VCAN: variants seen among roughly 807,000 people sequenced by gnomAD.
VCAN encodes the protein versican core protein.
A neutral mutation model predicts 245.5 loss-of-function variants in VCAN; 44 were observed. The observed-to-expected ratio is 0.18, with a 90% confidence interval of 0.14 to 0.23. The LOEUF (loss-of-function observed/expected upper bound fraction) is 0.23. Among genes scored for constraint, VCAN ranks in the 10% least tolerant of loss-of-function variants. The pLI is 1.00. For missense variants in VCAN, 3,793 were observed against 4,057.9 expected, an observed-to-expected ratio of 0.93 and a Z score of 1.77; for synonymous variants, 1,413 against 1,437.0, an observed-to-expected ratio of 0.98 and a Z score of 0.38.
intron 6 of VCAN, 157 bp downstream of exon 6, chr5:83,512,553 C>A: frequency 2.1e-6 from 2 of 970,772 alleles, no homozygotes; most frequent in Non-Finnish European, 3.0e-6. Flanking sequence ...GCAAACTGAA[C>A]AGCAGTGATA....
intron 5 of VCAN, among the ~76,000 whole-genome samples, chr5:83,498,607 C>G (rs1475013124): frequency 6.6e-6 from 1 of 152,078 alleles, no homozygotes; most frequent in Non-Finnish European, 1.5e-5. Flanking sequence ...AACTTGTAAG[C>G]CAAAAGTCTT....
intron 6 of VCAN, among the ~76,000 whole-genome samples, chr5:83,518,109 G>A (rs1018748737): frequency 2.6e-5 from 4 of 152,112 alleles, no homozygotes; most frequent in Non-Finnish European, 4.4e-5. Context: ...GGGCAAACAA[G>A]CATTTACTCA....
chr5:83,522,280 A>T lies in VCAN; in HGVS notation c.3974A>T (p.Tyr1325Phe). The T allele has an allele frequency of 1.3e-6, 2 of 1,599,328 alleles. No homozygotes were observed. Among genetic ancestry groups the T allele is most frequent in the Non-Finnish European group, 1.7e-6 (2 of 1,179,916 alleles). The change falls in exon 7 of 15, where the codon TAT becomes TTT. Residue 1325 changes from tyrosine (Y) to phenylalanine (F), a missense_variant. Physicochemically the swap from Tyr to Phe is conservative, Grantham distance 22 (BLOSUM62 3). Around this residue, in one of 5 missense-constraint regions of VCAN, gnomAD observed 3,182 missense variants for 3,250.3 expected, o/e 0.98. Coordinates refer to ENST00000265077, the MANE Select transcript of VCAN (RefSeq NM_004385.5). ...AAATTTCACCCTGACATTAATGTTT[A>T]TATTATTGAGGTCAGAGAAAATAAG... is the stretch of plus-strand genomic sequence containing the variant. ...STKFHPDINVYIIEVRENKTG... is the reference protein window; with the variant it reads ...STKFHPDINVFIIEVRENKTG...
Position 83,520,028 on chromosome 5 carries a change from C to G in VCAN, c.1722C>G (p.Asp574Glu). ...VGSDESTLIF[D>E]QIPEVITVSK... ...CTGATGAGAGCACCTTGATCTTTGACCAAATTCCTGAAGTCATTACGGTGT... is the reference window on the plus strand; with the variant it reads ...CTGATGAGAGCACCTTGATCTTTGAGCAAATTCCTGAAGTCATTACGGTGT... Residue 574 changes from aspartate to glutamate, a missense_variant, in exon 7 of 15, where the codon GAC becomes GAG. This residue lies in a region of VCAN where 3,182 missense variants were observed against 3,250.3 expected (regional missense o/e 0.98). Transcript: ENST00000265077. The G allele has an allele frequency of 6.2e-7, 1 of 1,614,072 alleles. No homozygotes were observed. Among genetic ancestry groups the G allele is most frequent in the Non-Finnish European group, 8.5e-7 (1 of 1,179,968 alleles).
At chr5:83,495,584 C>T (rs1745132541) in intron 5 of VCAN, among the ~76,000 whole-genome samples, 1 of 152,042 alleles carries the variant, frequency 6.6e-6, no homozygotes, top group Admixed American at 6.6e-5. Context: ...GTAGGAGAAT[C>T]TGATTAAATA....
chr5:83,552,657 C>T (rs1244270330), intron 10 of VCAN, among the ~76,000 whole-genome samples: 1 of 152,128 alleles, frequency 6.6e-6, no homozygotes, highest in Non-Finnish European at 1.5e-5. Context: ...CACAGACACA[C>T]ACACACACAT....
rs150708651 is a variant in VCAN, at chr5:83,521,215, C to T, written c.2909C>T (p.Ser970Phe). 148 of 1,613,936 alleles carry T rather than the reference C, an allele frequency of 9.2e-5. No individual in the cohort carries two copies. The African/African-American group carries it at 1.9e-3, about 21-fold the overall frequency. Reference protein sequence around the residue: ...TQEPTTYVDSSHTIPLSVIPK... With the variant: ...TQEPTTYVDSFHTIPLSVIPK... Reference sequence around the variant, plus strand: ...GAGCCTACTACTTATGTAGACTCTTCCCATACCATTCCTCTTTCTGTAATT... The same window carrying T: ...GAGCCTACTACTTATGTAGACTCTTTCCATACCATTCCTCTTTCTGTAATT... Residue 970 changes from serine (S) to phenylalanine (F), a missense_variant, in exon 7 of 15, where the codon TCC (serine) becomes TTC (phenylalanine). Around this residue, in one of 5 missense-constraint regions of VCAN, gnomAD observed 3,182 missense variants for 3,250.3 expected, o/e 0.98. Coordinates refer to ENST00000265077, the MANE Select transcript of VCAN (RefSeq NM_004385.5).
intron 7 of VCAN, among the ~76,000 whole-genome samples, chr5:83,529,994 A>C (rs1487696066): frequency 6.6e-6 from 1 of 152,154 alleles, no homozygotes; most frequent in Admixed American, 6.6e-5. Context: ...GCCAAGTATA[A>C]TTGTACTTTA....
At chr5:83,566,821 T>C (rs1409395634) in intron 12 of VCAN, among the ~76,000 whole-genome samples, 1 of 152,146 alleles carries the variant, frequency 6.6e-6, no homozygotes, top group Non-Finnish European at 1.5e-5. Flanking sequence ...CAGAAATAAA[T>C]TTTTGACAAG....
chr5:83,536,839 C>T (rs530820466), intron 7 of VCAN, 168 bp from the exon 8 acceptor site: 3 of 540,642 alleles, frequency 5.5e-6, no homozygotes, highest in East Asian at 6.1e-5. Context: ...AATACAAAAA[C>T]AGTAAATTTG....
rs1746945764 is a variant in VCAN at position 83,540,840 on chromosome 5, A to C, written c.7837A>C (p.Asn2613His). Reference sequence around the variant, plus strand: ...ACCACATGACAGTAATGATGAAAGTAATGATGACAGCACTCAAGTTCAAGA... The same window carrying C: ...ACCACATGACAGTAATGATGAAAGTCATGATGACAGCACTCAAGTTCAAGA... The part of the protein sequence containing the change: ...SEPHDSNDES[N>H]DDSTQVQEIY... The change falls in exon 8 of 15, where the codon AAT (asparagine) becomes CAT (histidine). Residue 2613 changes from asparagine (N) to histidine (H), a missense_variant. By Grantham distance (68) the Asn-to-His change is moderately conservative. This residue lies in a region of VCAN where 3,182 missense variants were observed against 3,250.3 expected (regional missense o/e 0.98). Transcript: ENST00000265077. The C allele has an allele frequency of 6.2e-7, 1 of 1,614,064 alleles. No homozygotes were observed. The highest frequency in any genetic ancestry group is 8.5e-7 in the Non-Finnish European group (1 of 1,179,986).
At position 83,537,384 on chromosome 5, in the gene VCAN, T is replaced by A. The variant is rs139141519; in HGVS notation, c.4381T>A (p.Leu1461Met). ...TCCATTTGTAATAGCCAAAACGGAA[T>A]TGTCTACTGCTGTGCAACCTAATGA... ...THPFVIAKTE[L>M]STAVQPNEST... The change falls in exon 8 of 15, where the codon TTG (leucine) becomes ATG (methionine). Residue 1461 changes from leucine (L) to methionine (M), a missense_variant. Around this residue, in one of 5 missense-constraint regions of VCAN, gnomAD observed 3,182 missense variants for 3,250.3 expected, o/e 0.98. Transcript: ENST00000265077. 1.2e-4 allele frequency: 191 copies of A among 1,613,938 alleles called. No homozygotes were observed. In the African/African-American group the frequency reaches 2.3e-3, roughly 19 times the overall value.
chr5:83,525,821 A>G (rs1040574123), intron 7 of VCAN, among the ~76,000 whole-genome samples: 1 of 152,182 alleles, frequency 6.6e-6, no homozygotes, highest in Non-Finnish European at 1.5e-5. Context: ...ATATACAAAA[A>G]GCTAAAGGCT....
Position 83,522,019 on chromosome 5 carries a change from G to A in VCAN, c.3713G>A (p.Arg1238Lys). Residue 1238 changes from arginine to lysine, a missense_variant, in exon 7 of 15, where the codon AGG (arginine) becomes AAG (lysine). Around this residue, in one of 5 missense-constraint regions of VCAN, gnomAD observed 3,182 missense variants for 3,250.3 expected, o/e 0.98. Transcript: ENST00000265077. Reference protein sequence around the residue: ...AITKKPPLIDREPGEETTSDM... With the variant: ...AITKKPPLIDKEPGEETTSDM... Reference sequence around the variant, plus strand: ...ACTAAGAAACCACCTCTCATCGACAGGGAACCTGGTGAAGAAACAACCAGT... The same window carrying A: ...ACTAAGAAACCACCTCTCATCGACAAGGAACCTGGTGAAGAAACAACCAGT... 6.2e-7 allele frequency: 1 copy of A among 1,614,170 alleles called. No homozygotes were observed. The highest frequency in any genetic ancestry group is 8.5e-7 in the Non-Finnish European group (1 of 1,180,030).
intron 6 of VCAN, among the ~76,000 whole-genome samples, chr5:83,517,453 TTTATA>T (rs1351406629): frequency 2.6e-5 from 4 of 151,594 alleles, no homozygotes; most frequent in Non-Finnish European, 4.4e-5. Flanking sequence ...TTGCTAAGTA[TTTATA>T]TTATGTTTCC....
At chr5:83,475,248 G>A (rs1744346729) in intron 1 of VCAN, among the ~76,000 whole-genome samples, 1 of 152,200 alleles carries the variant, frequency 6.6e-6, no homozygotes, top group Non-Finnish European at 1.5e-5. Context: ...GGGAGTGACT[G>A]AGCTGGAAAC....
At chr5:83,567,169 T>C (rs2112491854) in intron 12 of VCAN, among the ~76,000 whole-genome samples, 1 of 152,212 alleles carries the variant, frequency 6.6e-6, no homozygotes, top group South Asian at 2.1e-4. Flanking sequence ...ACTCTAAAAA[T>C]AAAGCAATTT....
intron 1 of VCAN, among the ~76,000 whole-genome samples, chr5:83,474,757 C>G (rs1388381315): frequency 6.6e-6 from 1 of 152,252 alleles, no homozygotes; most frequent in Admixed American, 6.5e-5. Context: ...AGCCGAGTGG[C>G]CTCGCCCCCA....
In VCAN at chr5:83,521,718, C is replaced by A. The variant is rs1467314422; in HGVS notation, c.3412C>A (p.Gln1138Lys). 1 of 1,614,032 alleles carries A rather than the reference C, an allele frequency of 6.2e-7. No individual in the cohort carries two copies. Among genetic ancestry groups the A allele is most frequent in the Admixed American group, 1.7e-5 (1 of 59,998 alleles). The change falls in exon 7 of 15, where the codon CAA becomes AAA. Residue 1138 changes from glutamine (Q) to lysine (K), a missense_variant. By Grantham distance (53) the Gln-to-Lys change is moderately conservative. Around this residue, in one of 5 missense-constraint regions of VCAN, gnomAD observed 3,182 missense variants for 3,250.3 expected, o/e 0.98. Coordinates refer to ENST00000265077, the MANE Select transcript of VCAN (RefSeq NM_004385.5). ...AGTATCTTTAAGTCCAGGGCCTGAA[C>A]AAAAATATGAAACAGAAGGTAGTAG... ...PKVSLSPGPE[Q>K]KYETEGSSTT...
Sources: allele counts gnomAD v4.1 joint callset (sites outside exome capture counted in the v4.1 genomes callset), GRCh38; gene constraint gnomAD v4.1.1; regional missense constraint gnomAD v4.1.1; transcripts MANE v1.5; gene names NCBI Gene and HGNC (gene_info 2026-07-23, HGNC 2026-07-21).